Variants in BAIAP2 observed in about 807,000 individuals in gnomAD.
BAIAP2 encodes BAR/IMD domain-containing adapter protein 2.
A neutral mutation model predicts 63.0 loss-of-function variants in BAIAP2; 18 were observed. That is an observed-to-expected ratio of 0.29 (90% confidence interval 0.20 to 0.42). The LOEUF (loss-of-function observed/expected upper bound fraction) is 0.42, where lower values mean the gene tolerates loss of function less well. BAIAP2 is among the 10% of genes least tolerant of loss of function. BAIAP2 has a pLI of 1.00. For missense variants in BAIAP2, 610 were observed against 734.3 expected (o/e 0.83, Z 1.96); for synonymous variants, 386 against 307.6 (o/e 1.25, Z -2.67).
intron 1 of BAIAP2, among the ~76,000 whole-genome samples, chr17:81,037,203 G>A (rs1018325633): frequency 1.3e-5 from 2 of 152,232 alleles, no homozygotes; most frequent in Non-Finnish European, 2.9e-5. Context: ...TGTCTTCCAC[G>A]GGTGGGTTAA....
intron 2 of BAIAP2, among the ~76,000 whole-genome samples, chr17:81,056,861 CT>C (rs2049663541): frequency 1.3e-5 from 2 of 152,008 alleles, no homozygotes. Flanking sequence ...TTGCGTTTTT[CT>C]GCTGTTGCGT....
At chr17:81,097,031 A>G (rs2057747548) in intron 6 of BAIAP2, among the ~76,000 whole-genome samples, 1 of 152,196 alleles carries the variant, frequency 6.6e-6, no homozygotes, top group African/African-American at 2.4e-5. Context: ...AGGCCTCAGC[A>G]TGGAGCAGAG....
intron 3 of BAIAP2, among the ~76,000 whole-genome samples, chr17:81,084,512 GCTCA>G (rs1030122676): frequency 1.5e-4 from 23 of 152,148 alleles, no homozygotes; most frequent in Non-Finnish European, 2.6e-4. Flanking sequence ...GCGTGTTTGC[GCTCA>G]CTGTCACTCA....
chr17:81,086,741 GC>G (rs1040853504), intron 6 of BAIAP2, among the ~76,000 whole-genome samples, 161 bp downstream of exon 6: 7 of 152,210 alleles, frequency 4.6e-5, no homozygotes, highest in Non-Finnish European at 8.8e-5. Context: ...TGGGCCTGAC[GC>G]CCCCAGGCCG....
Position 81,053,670 on chromosome 17 carries a change from C to T in BAIAP2, c.57C>T (p.Thr19=), listed in dbSNP as rs1171020970. The T allele has an allele frequency of 1.9e-6, 3 of 1,614,004 alleles. No homozygotes were observed. In the African/African-American group the frequency reaches 4.0e-5, roughly 22 times the overall value. The change falls in exon 2 of 14, where the codon ACC becomes ACT. Residue 19 remains threonine, a splice_region_variant and synonymous_variant. Transcript: ENST00000428708. ...MHRLTENVYK[T]IMEQFNPSLR... is the part of the protein sequence containing the mutation. The stretch of plus-strand genomic sequence containing the variant: ...GTTTCTTCTCTGCTTTCTTCCAGAC[C>T]ATCATGGAGCAGTTCAACCCTAGCC...
intron 13 of BAIAP2, 126 bp from the exon 14 acceptor site, chr17:81,115,631 TTGTCTGTGAGCTC>T (rs1388381002): frequency 5.8e-6 from 6 of 1,030,232 alleles, no homozygotes; most frequent in Non-Finnish European, 8.7e-6. Flanking sequence ...GCAGCGTATA[TTGTCTGTGAGCTC>T]TGTGCCCTGA....
chr17:81,069,972 C>T (rs750236961), intron 3 of BAIAP2, among the ~76,000 whole-genome samples: 16 of 151,722 alleles, frequency 1.1e-4, no homozygotes, highest in Non-Finnish European at 1.5e-5. Flanking sequence ...GTCTTTTCCC[C>T]CTTTTTGGAG....
intron 2 of BAIAP2, among the ~76,000 whole-genome samples, chr17:81,055,651 T>G (rs368832751): frequency 6.7e-6 from 1 of 150,138 alleles, no homozygotes; most frequent in Non-Finnish European, 1.5e-5. Context: ...CTGCAAACTC[T>G]GCCTCCCGGG....
intron 12 of BAIAP2, 125 bp from the exon 13 acceptor site, chr17:81,108,350 T>G (rs949703665): frequency 2.7e-6 from 3 of 1,097,856 alleles, no homozygotes; most frequent in Non-Finnish European, 4.0e-6. Context: ...TGGGGAGCCT[T>G]CCAAAGGAAC....
In BAIAP2 at chr17:81,103,372, C is replaced by G. The variant is rs115287104; in HGVS notation, c.643-130C>G. 5 of 886,378 alleles carry G rather than the reference C, an allele frequency of 5.6e-6. No homozygotes were observed. The East Asian group carries it at 1.1e-4, about 19-fold the overall frequency. 54.9% of individuals were successfully genotyped at this position (886,378 alleles called of 1,614,324 possible). A position where few individuals can be genotyped will look rare whatever the true frequency, so the allele number is the denominator to read the frequency against. On this transcript the variant is annotated intron_variant, in intron 7 of 13. Coordinates refer to ENST00000428708, the MANE Select transcript of BAIAP2 (RefSeq NM_001144888.2). ...GAGGCTCACGGGTGGCCTGTCTCGC[C>G]GAGAGGTACCACCTGGTGAAGAGCA...
At chr17:81,106,008 G>A (rs2145972608) in intron 10 of BAIAP2, 70 bp from the exon 11 acceptor site, 1 of 1,388,234 alleles carries the variant, frequency 7.2e-7, no homozygotes, top group South Asian at 1.2e-5. Flanking sequence ...ACTTGTGCAT[G>A]GATGGTGGTC....
chr17:81,038,093 G>A (rs1038596303), intron 1 of BAIAP2, among the ~76,000 whole-genome samples: 3 of 152,220 alleles, frequency 2.0e-5, no homozygotes, highest in East Asian at 1.9e-4. Context: ...GGCAAGGCGC[G>A]GAAGACCCCT....
chr17:81,084,691 C>T (rs1188882583), intron 3 of BAIAP2, 141 bp from the exon 4 acceptor site: 4 of 748,342 alleles, frequency 5.3e-6, no homozygotes, highest in Non-Finnish European at 4.7e-6. Context: ...CTCCGCCCTC[C>T]CTTCTGGCCC....
chr17:81,071,321 G>A (rs1346010215), intron 3 of BAIAP2, among the ~76,000 whole-genome samples: 2 of 152,152 alleles, frequency 1.3e-5, no homozygotes, highest in African/African-American at 4.8e-5. Flanking sequence ...ATAGCAAGAT[G>A]TCCTGTCAGC....
At position 81,055,574 on chromosome 17, in the gene BAIAP2, G is replaced by GT. The variant is rs1555657874; in HGVS notation, c.130+1840dup. Among the ~76,000 whole-genome samples the GT allele has an allele frequency of 4.1e-5, 5 of 123,404 alleles. No individual in the cohort carries two copies. In the South Asian group the frequency reaches 8.4e-4, roughly 21 times the overall value. The allele number at this position is 123,404 out of a possible 152,430, so 81.0% of individuals were successfully genotyped here. On this transcript the variant is annotated intron_variant, in intron 2 of 13. Transcript: ENST00000428708. ...CCAGCGAAAGTCTGCAGGGTGTTTT[G>GT]TTTTTTTTTGAGACGGAGTCTCACT... is the stretch of plus-strand genomic sequence containing the variant.
chr17:81,066,491 G>C (rs1486756495), intron 3 of BAIAP2, among the ~76,000 whole-genome samples: 4 of 152,236 alleles, frequency 2.6e-5, no homozygotes, highest in Non-Finnish European at 5.9e-5. Context: ...CCACCTGGGA[G>C]AGCTGGGGCC....
At chr17:81,038,442 C>G (rs2143353975) in intron 1 of BAIAP2, among the ~76,000 whole-genome samples, 1 of 152,330 alleles carries the variant, frequency 6.6e-6, no homozygotes, top group South Asian at 2.1e-4. Flanking sequence ...ACAGCCTGTC[C>G]TAGAATATGT....
chr17:81,117,259 T>TATC lies in BAIAP2; in HGVS notation c.*1424_*1426dup, dbSNP rs1323575524. 1.3e-5 allele frequency: 2 copies of TATC among 152,208 alleles called. No individual in the cohort carries two copies. The highest frequency in any genetic ancestry group is 4.8e-5 in the African/African-American group (2 of 41,444). The allele number at this position is 152,208 out of a possible 1,614,324, so 9.4% of individuals were successfully genotyped here. On this transcript the variant is annotated 3_prime_UTR_variant, in exon 14 of 14. Coordinates refer to ENST00000428708, the MANE Select transcript of BAIAP2 (RefSeq NM_001144888.2). ...GCACAGCCCCTCCTGTCCAGGACTTTATCATCGGCAGACCTCAGAAGACAA... is the reference window on the plus strand; with the variant it reads ...GCACAGCCCCTCCTGTCCAGGACTTTATCATCATCGGCAGACCTCAGAAGACAA...
intron 13 of BAIAP2, chr17:81,110,660 C>CA (rs1369290683): frequency 7.5e-7 from 1 of 1,329,970 alleles, no homozygotes; most frequent in African/African-American, 1.5e-5. Context: ...GCCCCAGTGA[C>CA]AGTCGCTCAC....
Sources: allele counts gnomAD v4.1 joint callset (sites outside exome capture counted in the v4.1 genomes callset), GRCh38; gene constraint gnomAD v4.1.1; transcripts MANE v1.5; gene names NCBI Gene and HGNC (gene_info 2026-07-23, HGNC 2026-07-21).